Variants in PANK2 observed in about 807,000 individuals in gnomAD.
The protein encoded by PANK2 is pantothenate kinase 2, also known as pantothenate kinase 2, mitochondrial.
A neutral mutation model predicts 43.1 loss-of-function variants in PANK2; 36 were observed. That is an observed-to-expected ratio of 0.84 (90% CI 0.64 to 1.10). The LOEUF (loss-of-function observed/expected upper bound fraction) is 1.10, where lower values mean the gene tolerates loss of function less well. Among genes scored for constraint, PANK2 ranks in the 50% least tolerant of loss-of-function variants. The pLI, the probability that PANK2 is intolerant of heterozygous loss-of-function variation, is 0.00. For synonymous variants in PANK2, 281 were observed against 238.2 expected (o/e 1.18, Z -1.66); for missense variants, 576 against 593.3 (o/e 0.97, Z 0.30).
At chr20:3,893,846 G>A (rs924605503) in intron 1 of PANK2, among the ~76,000 whole-genome samples, 1 of 151,876 alleles carries the variant, frequency 6.6e-6, no homozygotes, top group African/African-American at 2.4e-5. Context: ...TTGACCCCTG[G>A]GAGCTGAGGA....
At chr20:3,895,890 A>G (rs2090198963) in intron 1 of PANK2, among the ~76,000 whole-genome samples, 1 of 152,114 alleles carries the variant, frequency 6.6e-6, no homozygotes, top group African/African-American at 2.4e-5. Context: ...GTTTAAAACT[A>G]TTTTGGGAAT....
At chr20:3,893,924 G>GTTTTTTTTTTTTTTTTT (rs1046729224) in intron 1 of PANK2, among the ~76,000 whole-genome samples, 5 of 124,922 alleles carry the variant, frequency 4.0e-5, no homozygotes, top group African/African-American at 6.5e-5. Flanking sequence ...TTTTTTGTTT[G>GTTTTTTTTTTTTTTTTT]TTTTTTGTTT....
intron 1 of PANK2, among the ~76,000 whole-genome samples, chr20:3,902,825 C>T (rs1894293700): frequency 6.6e-6 from 1 of 151,810 alleles, no homozygotes; most frequent in African/African-American, 2.4e-5. Flanking sequence ...TTTCTGTGCC[C>T]ATTTTGCTGT....
intron 1 of PANK2, among the ~76,000 whole-genome samples, chr20:3,894,617 C>A (rs527644638): frequency 6.9e-6 from 1 of 145,456 alleles, no homozygotes; most frequent in Non-Finnish European, 1.5e-5. Flanking sequence ...CTTACTCTGT[C>A]GCCCAGGCTG....
At chr20:3,899,203 G>T (rs1021586263) in intron 1 of PANK2, among the ~76,000 whole-genome samples, 6 of 139,306 alleles carry the variant, frequency 4.3e-5, no homozygotes, top group Non-Finnish European at 9.2e-5. Context: ...ATGGAGTCTC[G>T]CTCTGTCATC....
At chr20:3,911,089 T>C (rs2090461747) in intron 3 of PANK2, among the ~76,000 whole-genome samples, 1 of 152,230 alleles carries the variant, frequency 6.6e-6, no homozygotes, top group African/African-American at 2.4e-5. Flanking sequence ...AGATAGTTTA[T>C]GGTGTGCATA....
At position 3,889,851 on chromosome 20, in the gene PANK2, C is replaced by T. The variant is rs951712829; in HGVS notation, c.298+123C>T. On this transcript the variant is annotated intron_variant, in intron 1 of 6. Transcript: ENST00000610179. Reference sequence around the variant, plus strand: ...ACACTGTCCCCGCACGGTGGTCCCTCGTTGGTGCGTGGCCTGACATCCGGC... The same window carrying T: ...ACACTGTCCCCGCACGGTGGTCCCTTGTTGGTGCGTGGCCTGACATCCGGC... The T allele has an allele frequency of 2.7e-5, 41 of 1,534,228 alleles. No homozygotes were observed. In the African/African-American group the frequency reaches 5.1e-4, roughly 19 times the overall value.
chr20:3,904,511 CAGTTGTGATTG>C (rs1290980710), intron 1 of PANK2, among the ~76,000 whole-genome samples: 23 of 152,150 alleles, frequency 1.5e-4, no homozygotes, highest in African/African-American at 5.5e-4. Flanking sequence ...AGGTTACAGT[CAGTTGTGATTG>C]AGTTGTGATT....
At chr20:3,912,252 T>G (rs1165890566) in intron 3 of PANK2, among the ~76,000 whole-genome samples, 2 of 152,166 alleles carry the variant, frequency 1.3e-5, no homozygotes, top group South Asian at 2.1e-4. Flanking sequence ...GGCCCTGTGT[T>G]TTGTACTTTG....
chr20:3,908,010 AAG>A lies in PANK2; in HGVS notation c.386_387del (p.Glu129GlyfsTer7). Reference sequence around the variant, plus strand: ...CCCAAAGACATCACTGCTGAAGAAGAAGAGGAAGAAGTGGAAAGTCTTAAAAG... The same window carrying A: ...CCCAAAGACATCACTGCTGAAGAAGAAGGAAGAAGTGGAAAGTCTTAAAAG... On this transcript the variant is annotated frameshift_variant, in exon 2 of 7. Coordinates refer to ENST00000610179, the MANE Select transcript of PANK2 (RefSeq NM_001386393.1). LOFTEE classifies it high-confidence loss of function. The A allele has an allele frequency of 6.2e-7, 1 of 1,614,176 alleles. No homozygotes were observed. The highest frequency in any genetic ancestry group is 8.5e-7 in the Non-Finnish European group (1 of 1,180,040).
intron 6 of PANK2, among the ~76,000 whole-genome samples, chr20:3,919,095 T>C: frequency 6.6e-6 from 1 of 152,058 alleles, no homozygotes; most frequent in East Asian, 1.9e-4. Context: ...TCAGTAGAAA[T>C]GGGGTTTCAC....
Position 3,889,631 on chromosome 20 carries a change from C to A in PANK2, c.201C>A (p.Ala67=), listed in dbSNP as rs756936934. The change falls in exon 1 of 7, where the codon GCC becomes GCA. Residue 67 remains alanine, a synonymous_variant. Transcript: ENST00000610179. The stretch of plus-strand genomic sequence containing the variant: ...GCGCGTCGGTGCCCGCGGTCGGGGC[C>A]TCGGCTGAGGGCACGAGGCGGGATC... The A allele has an allele frequency of 7.7e-6, 12 of 1,566,156 alleles. No individual in the cohort carries two copies. The highest frequency in any genetic ancestry group is 2.0e-4 in the Middle Eastern group (1 of 5,098).
chr20:3,917,532 T>C, intron 5 of PANK2: 1 of 534,650 alleles, frequency 1.9e-6, no homozygotes. Flanking sequence ...CCTTGTAGCA[T>C]TCAGGTCAAG....
intron 3 of PANK2, among the ~76,000 whole-genome samples, chr20:3,912,169 C>T (rs570258202): frequency 2.1e-4 from 32 of 152,184 alleles, no homozygotes; most frequent in African/African-American, 7.7e-4. Context: ...TAGCATGGCC[C>T]CAGGCGTGTC....
Position 3,925,580 on chromosome 20 carries a change from A to C in PANK2, c.*2286A>C, listed in dbSNP as rs2090708411. ...CCACCAGTGAATCCCATGCCACCGA[A>C]TCTGGCATTCATTTCACAGCCTCAT... On this transcript the variant is annotated 3_prime_UTR_variant, in exon 7 of 7. Coordinates refer to ENST00000610179, the MANE Select transcript of PANK2 (RefSeq NM_001386393.1). 1 of 152,086 alleles carries C rather than the reference A, an allele frequency of 6.6e-6. No individual in the cohort carries two copies. Among genetic ancestry groups the C allele is most frequent in the South Asian group, 2.1e-4 (1 of 4,824 alleles). The allele number at this position is 152,086 out of a possible 1,614,324, so 9.4% of individuals were successfully genotyped here. A position where few individuals can be genotyped will look rare whatever the true frequency, so the allele number is the denominator to read the frequency against.
intron 4 of PANK2, among the ~76,000 whole-genome samples, chr20:3,914,183 A>G (rs572793580): frequency 1.3e-5 from 2 of 152,030 alleles, no homozygotes; most frequent in Non-Finnish European, 1.5e-5. Flanking sequence ...AGGAACTGCT[A>G]CACTGTTTTC....
At chr20:3,921,274 C>T (rs1163995946) in intron 6 of PANK2, 1 of 150,274 alleles carries the variant, frequency 6.7e-6, no homozygotes, top group African/African-American at 2.4e-5. Context: ...TTGTTCAGTT[C>T]AGAACTTTGA....
chr20:3,889,940 C>G (rs1409019708), intron 1 of PANK2: 1 of 1,529,066 alleles, frequency 6.5e-7, no homozygotes, highest in East Asian at 2.5e-5. Context: ...TTGGTATGCA[C>G]TTCCCGCTTG....
At chr20:3,905,600 GCCTC>G (rs2090373203) in intron 1 of PANK2, among the ~76,000 whole-genome samples, 1 of 151,354 alleles carries the variant, frequency 6.6e-6, no homozygotes, top group East Asian at 2.0e-4. Flanking sequence ...TCCCGCCTCG[GCCTC>G]CCAAAGTGCT....
Sources: allele counts gnomAD v4.1 joint callset (sites outside exome capture counted in the v4.1 genomes callset), GRCh38; gene constraint gnomAD v4.1.1; transcripts MANE v1.5; gene names NCBI Gene and HGNC (gene_info 2026-07-23, HGNC 2026-07-21).